TTC1: variants seen among roughly 807,000 people sequenced by gnomAD.
TTC1 encodes tetratricopeptide repeat domain 1, also known as tetratricopeptide repeat protein 1.
TTC1 carries 31 observed loss-of-function variants against 37.6 expected under a neutral mutation model. The ratio of observed to expected loss-of-function variants is 0.82; its 90% CI spans 0.62 to 1.11. The LOEUF is 1.11. TTC1 is among the 50% of genes most tolerant of loss of function. The probability of loss-of-function intolerance (pLI) is 0.00; values close to 1 mark genes in which losing one functional copy is unlikely to be tolerated. For missense variants in TTC1, 351 were observed against 339.0 expected (o/e 1.04, Z -0.28); for synonymous variants, 127 against 122.4 (o/e 1.04, Z -0.25).
intron 4 of TTC1, among the ~76,000 whole-genome samples, chr5:160,040,018 A>T (rs1757060042): frequency 1.3e-5 from 2 of 152,218 alleles, no homozygotes; most frequent in Admixed American, 1.3e-4. Context: ...ATCATTGTGC[A>T]AACATCATAG....
At chr5:160,031,148 TC>T in intron 2 of TTC1, among the ~76,000 whole-genome samples, 1 of 152,316 alleles carries the variant, frequency 6.6e-6, no homozygotes, top group Non-Finnish European at 1.5e-5. Flanking sequence ...AGTTCAACTT[TC>T]TCCTCAAAGT....
chr5:160,059,553 C>T (rs541244294), intron 7 of TTC1, among the ~76,000 whole-genome samples: 185 of 152,266 alleles, frequency 1.2e-3, no homozygotes, highest in African/African-American at 4.3e-3. Context: ...TCTGGCTCTT[C>T]CCTTTACTTG....
chr5:160,053,464 T>C (rs1561638825), intron 7 of TTC1, among the ~76,000 whole-genome samples: 1 of 152,046 alleles, frequency 6.6e-6, no homozygotes, highest in Non-Finnish European at 1.5e-5. Context: ...CTTAGGAGGC[T>C]GCTGTGGGAG....
At chr5:160,027,020 CT>C (rs1007222902) in intron 2 of TTC1, among the ~76,000 whole-genome samples, 136 of 141,704 alleles carry the variant, frequency 9.6e-4, no homozygotes, top group African/African-American at 1.2e-3. Context: ...TTTCGGGATT[CT>C]TTTTTTTTTT....
intron 2 of TTC1, among the ~76,000 whole-genome samples, chr5:160,033,015 C>T (rs1000866087): frequency 5.9e-5 from 9 of 152,010 alleles, no homozygotes; most frequent in African/African-American, 9.7e-5. Context: ...TGAGCCACCA[C>T]GCCCAGCCAA....
chr5:160,052,798 C>G (rs1657386300), intron 7 of TTC1, among the ~76,000 whole-genome samples: 1 of 152,104 alleles, frequency 6.6e-6, no homozygotes, highest in Non-Finnish European at 1.5e-5. Context: ...TTTTCTGTCT[C>G]CAAGGCTTTG....
At chr5:160,036,048 T>G (rs922181871) in intron 3 of TTC1, among the ~76,000 whole-genome samples, 3 of 152,086 alleles carry the variant, frequency 2.0e-5, no homozygotes, top group African/African-American at 7.2e-5. Context: ...TTTTTGTATG[T>G]TAATATTAAA....
At chr5:160,032,880 ATTT>A (rs76223586) in intron 2 of TTC1, among the ~76,000 whole-genome samples, 2 of 145,712 alleles carry the variant, frequency 1.4e-5, no homozygotes, top group South Asian at 2.2e-4. Context: ...CACCCAGCTA[ATTT>A]TTTTTTTTGG....
chr5:160,024,741 A>G (rs1188483071), intron 2 of TTC1, among the ~76,000 whole-genome samples: 2 of 151,432 alleles, frequency 1.3e-5, no homozygotes, highest in Non-Finnish European at 2.9e-5. Context: ...AAGTGATGCT[A>G]CCACCTCAAG....
intron 7 of TTC1, among the ~76,000 whole-genome samples, chr5:160,051,389 T>C (rs1581118427): frequency 6.6e-6 from 1 of 152,348 alleles, no homozygotes; most frequent in South Asian, 2.1e-4. Flanking sequence ...TCCTTTTTGA[T>C]TTTCTTGGAA....
chr5:160,047,667 C>T (rs1299967934), intron 5 of TTC1, among the ~76,000 whole-genome samples: 1 of 152,104 alleles, frequency 6.6e-6, no homozygotes, highest in East Asian at 1.9e-4. Context: ...AACTCCTTTC[C>T]CTGGCCAGGA....
intron 2 of TTC1, among the ~76,000 whole-genome samples, chr5:160,011,346 G>C (rs1462836927): frequency 6.6e-6 from 1 of 152,120 alleles, no homozygotes; most frequent in East Asian, 1.9e-4. Flanking sequence ...ACAGAATTGT[G>C]TATGATTATA....
intron 6 of TTC1, among the ~76,000 whole-genome samples, chr5:160,050,362 G>A (rs375013415): frequency 2.0e-5 from 3 of 152,006 alleles, no homozygotes; most frequent in Admixed American, 6.6e-5. Flanking sequence ...CAGGAGAATC[G>A]CTTGAACCCA....
At position 160,048,767 on chromosome 5, in the gene TTC1, A is replaced by G. The variant is rs556511807; in HGVS notation, c.542-747A>G. 1.4e-4 allele frequency among the ~76,000 whole-genome samples: 22 copies of G among 152,262 alleles called. No homozygotes were observed. The South Asian group carries it at 4.3e-3, about 30-fold the overall frequency. ...TTCTCTCTCACCTAGCCTGGCCAAC[A>G]TAATGAAACCCCATCTCTACTAAAA... is the stretch of plus-strand genomic sequence containing the variant. On this transcript the variant is annotated intron_variant, in intron 5 of 7. Transcript: ENST00000231238.
At chr5:160,059,633 G>A (rs905397570) in intron 7 of TTC1, among the ~76,000 whole-genome samples, 2 of 152,204 alleles carry the variant, frequency 1.3e-5, no homozygotes, top group African/African-American at 4.8e-5. Context: ...AGGGAAGAGG[G>A]AAGCCTGAGG....
At chr5:160,052,531 A>G (rs1387108842) in intron 7 of TTC1, among the ~76,000 whole-genome samples, 1 of 127,550 alleles carries the variant, frequency 7.8e-6, no homozygotes, top group African/African-American at 3.1e-5. Flanking sequence ...TTTACTAACA[A>G]TGATGCTCTA....
At chr5:160,036,938 C>A in intron 4 of TTC1, 135 bp downstream of exon 4, 1 of 582,126 alleles carries the variant, frequency 1.7e-6, no homozygotes, top group Non-Finnish European at 3.0e-6. Flanking sequence ...GATGTAAAGG[C>A]CACAGGGAGA....
At chr5:160,064,826 A>G in intron 7 of TTC1, 106 bp from the exon 8 acceptor site, 1 of 1,247,194 alleles carries the variant, frequency 8.0e-7, no homozygotes, top group Non-Finnish European at 1.1e-6. Context: ...TTAACTGCAA[A>G]GAGATACTTT....
chr5:160,024,363 A>G (rs757864150), intron 2 of TTC1, among the ~76,000 whole-genome samples: 1 of 152,236 alleles, frequency 6.6e-6, no homozygotes, highest in Non-Finnish European at 1.5e-5. Context: ...TATCAAAACC[A>G]GGAAATAAAC....
Sources: gnomAD v4.1 joint callset for allele counts (sites outside exome capture counted in the v4.1 genomes callset) on GRCh38, gnomAD v4.1.1 for gene constraint, MANE v1.5 for transcripts, NCBI Gene and HGNC (gene_info 2026-07-23, HGNC 2026-07-21) for gene names.